The following RNF168 variants were observed in gnomAD, a reference collection of about 807,000 sequenced individuals.
The protein encoded by RNF168 is ring finger protein 168.
RNF168 carries 34 observed loss-of-function variants against 34.9 expected under a neutral mutation model. That is an observed-to-expected ratio of 0.97 (90% CI 0.74 to 1.30). The LOEUF is 1.30. RNF168 is among the 50% of genes most tolerant of loss of function. The pLI, the probability that RNF168 is intolerant of heterozygous loss-of-function variation, is 0.00. For synonymous variants in RNF168, 264 were observed against 254.7 expected, an observed-to-expected ratio of 1.04 and a Z score of -0.35; for missense variants, 725 against 682.5, an observed-to-expected ratio of 1.06 and a Z score of -0.69.
chr3:196,485,102 T>C (rs1025639498), intron 3 of RNF168, among the ~76,000 whole-genome samples: 3 of 152,316 alleles, frequency 2.0e-5, no homozygotes, highest in East Asian at 1.9e-4. Context: ...AAATCACAAA[T>C]ATTTACTTGC....
In RNF168 at chr3:196,483,866, G is replaced by A. The variant is rs766109423; in HGVS notation, c.584C>T (p.Ser195Leu). 3 of 1,608,464 alleles carry A rather than the reference G, an allele frequency of 1.9e-6. No individual in the cohort carries two copies. Among genetic ancestry groups the A allele is most frequent in the African/African-American group, 1.3e-5 (1 of 74,924 alleles). ...DINNFCEGSI[S>L]ASPLNSRKSD... is the part of the protein sequence containing the mutation. ...TTTTCTGGAATTCAAGGGAGAAGCC[G>A]AGATACTTCCCTCACAGAAATTGTT... The change falls in exon 4 of 6, where the codon TCG becomes TTG. Residue 195 changes from serine (S) to leucine (L), a missense_variant. By Grantham distance (145) the Ser-to-Leu change is moderately radical. Transcript: ENST00000318037.
intron 4 of RNF168, among the ~76,000 whole-genome samples, chr3:196,478,831 G>A (rs532569791): frequency 1.2e-4 from 17 of 147,454 alleles, no homozygotes; most frequent in South Asian, 4.4e-4. Flanking sequence ...CATGCCCAGC[G>A]AATTTTTGTA....
chr3:196,492,410 C>T (rs1732618340), intron 1 of RNF168, among the ~76,000 whole-genome samples: 1 of 151,968 alleles, frequency 6.6e-6, no homozygotes, highest in Non-Finnish European at 1.5e-5. Flanking sequence ...GAAAGCAAAA[C>T]ATATCATTAA....
chr3:196,493,237 T>A (rs1461462023), intron 1 of RNF168, among the ~76,000 whole-genome samples: 1 of 152,252 alleles, frequency 6.6e-6, no homozygotes, highest in East Asian at 1.9e-4. Flanking sequence ...AGAGCTGAAC[T>A]TTTGTTAAAC....
chr3:196,495,417 G>A (rs1459243306), intron 1 of RNF168, among the ~76,000 whole-genome samples: 1 of 152,128 alleles, frequency 6.6e-6, no homozygotes, highest in African/African-American at 2.4e-5. Context: ...CTAATCCAGG[G>A]TCATGCACTG....
chr3:196,500,618 G>C (rs975801750), intron 1 of RNF168, among the ~76,000 whole-genome samples: 1 of 152,156 alleles, frequency 6.6e-6, no homozygotes, highest in Admixed American at 6.5e-5. Context: ...CGATGCCACT[G>C]AACCATACAA....
chr3:196,472,365 G>GT lies in RNF168; in HGVS notation c.1169dup (p.Asn390LysfsTer7). The GT allele has an allele frequency of 6.2e-7, 1 of 1,613,962 alleles. No homozygotes were observed. The highest frequency in any genetic ancestry group is 1.1e-5 in the South Asian group (1 of 91,054). On this transcript the variant is annotated frameshift_variant, in exon 6 of 6. Coordinates refer to ENST00000318037, the MANE Select transcript of RNF168 (RefSeq NM_152617.4). LOFTEE classifies it low-confidence loss of function (END_TRUNC). ...TGACTGCTTCAAAGGAAGATTCTTGGTTTTTTCTTTTGGAAATCTCCTTAC... is the reference window on the plus strand; with the variant it reads ...TGACTGCTTCAAAGGAAGATTCTTGGTTTTTTTCTTTTGGAAATCTCCTTAC...
rs762450463 is a variant in RNF168 at position 196,472,145 on chromosome 3, G to A, written c.1390C>T (p.Pro464Ser). ...QKEVDKEQMV[P>S]NRQKGSPDEY... ...TCTGGGGATCCTTTTTGCCGGTTTG[G>A]CACCATTTGCTCTTTATCCACCTCC... Residue 464 changes from proline (P) to serine (S), a missense_variant, in exon 6 of 6, where the codon CCA becomes TCA. Pro to Ser is a moderately conservative substitution (Grantham distance 74). Transcript: ENST00000318037. The A allele has an allele frequency of 6.2e-7, 1 of 1,613,880 alleles. No individual in the cohort carries two copies. Among genetic ancestry groups the A allele is most frequent in the Non-Finnish European group, 8.5e-7 (1 of 1,179,952 alleles).
intron 1 of RNF168, among the ~76,000 whole-genome samples, chr3:196,490,169 A>G (rs1732558858): frequency 6.6e-6 from 1 of 152,228 alleles, no homozygotes; most frequent in Non-Finnish European, 1.5e-5. Context: ...AGGACTAGGG[A>G]AACAGTAAGC....
At position 196,496,866 on chromosome 3, in the gene RNF168, C is replaced by T. The variant is rs114032885; in HGVS notation, c.301+6007G>A. ...ATACAAAGAATAAATATACGGAGGA[C>T]GGGCACGATGGCTCACGCCTGTAAT... On this transcript the variant is annotated intron_variant, in intron 1 of 5. Coordinates refer to ENST00000318037, the MANE Select transcript of RNF168 (RefSeq NM_152617.4). Among the ~76,000 whole-genome samples, 1,379 of 152,192 alleles carry T rather than the reference C, an allele frequency of 9.1e-3. 12 individuals carry two copies. The highest frequency in any genetic ancestry group is 0.03 in the African/African-American group (1,257 of 41,508).
chr3:196,502,049 A>T (rs1306110256), intron 1 of RNF168, among the ~76,000 whole-genome samples: 2 of 146,046 alleles, frequency 1.4e-5, no homozygotes, highest in Non-Finnish European at 3.0e-5. Context: ...GACCAAAAAA[A>T]ATTAGAAAAA....
chr3:196,486,074 T>C (rs901009772), intron 3 of RNF168, among the ~76,000 whole-genome samples: 1 of 152,220 alleles, frequency 6.6e-6, no homozygotes, highest in African/African-American at 2.4e-5. Flanking sequence ...GTATGTGTTT[T>C]ATCACACACC....
In RNF168 at chr3:196,503,087, G is replaced by C; in HGVS notation, c.87C>G (p.Leu29=). The change falls in exon 1 of 6, where the codon CTC becomes CTG. Residue 29 remains leucine, a synonymous_variant. Coordinates refer to ENST00000318037, the MANE Select transcript of RNF168 (RefSeq NM_152617.4). ...GTTTACACAGCGTGTGGTTACACGG[G>C]AGGGTGACGGGCTCCACGAGGATTT... ...CMEILVEPVT[L]PCNHTLCKPC... 6.2e-7 allele frequency: 1 copy of C among 1,614,168 alleles called. No individual in the cohort carries two copies. The highest frequency in any genetic ancestry group is 8.5e-7 in the Non-Finnish European group (1 of 1,180,020).
In RNF168 at chr3:196,503,193, C is replaced by A; in HGVS notation, c.-20G>T. The A allele has an allele frequency of 6.2e-7, 1 of 1,611,118 alleles. No homozygotes were observed. Among genetic ancestry groups the A allele is most frequent in the Non-Finnish European group, 8.5e-7 (1 of 1,177,428 alleles). ...AGCCATTTCAATATGTTAGTAAAGC[C>A]GACTAAACAACGACACCTGCACGAA... On this transcript the variant is annotated 5_prime_UTR_variant, in exon 1 of 6. Coordinates refer to ENST00000318037, the MANE Select transcript of RNF168 (RefSeq NM_152617.4).
chr3:196,502,469 C>T (rs1051675847), intron 1 of RNF168, among the ~76,000 whole-genome samples: 1 of 151,836 alleles, frequency 6.6e-6, no homozygotes, highest in Non-Finnish European at 1.5e-5. Flanking sequence ...ACGCGTGTAA[C>T]CCCAGCTACT....
At position 196,471,652 on chromosome 3, in the gene RNF168, C is replaced by T; in HGVS notation, c.*167G>A. 1.5e-6 allele frequency: 1 copy of T among 648,048 alleles called. No individual in the cohort carries two copies. The highest frequency in any genetic ancestry group is 2.7e-5 in the East Asian group (1 of 36,540). The allele number at this position is 648,048 out of a possible 1,614,324, so 40.1% of individuals were successfully genotyped here. A position where few individuals can be genotyped will look rare whatever the true frequency, so the allele number is the denominator to read the frequency against. On this transcript the variant is annotated 3_prime_UTR_variant, in exon 6 of 6. Coordinates refer to ENST00000318037, the MANE Select transcript of RNF168 (RefSeq NM_152617.4). Reference sequence around the variant, plus strand: ...GACCCCTGCTTACCGCTGAGCTGTGCAGAAGCTCATGTGTCTATGCAGTCC... The same window carrying T: ...GACCCCTGCTTACCGCTGAGCTGTGTAGAAGCTCATGTGTCTATGCAGTCC...
rs143502306 is a variant in RNF168 at position 196,500,201 on chromosome 3, C to A, written c.301+2672G>T. Among the ~76,000 whole-genome samples, 590 of 152,288 alleles carry A rather than the reference C, an allele frequency of 3.9e-3. 5 individuals carry two copies. Among genetic ancestry groups the A allele is most frequent in the African/African-American group, 0.013 (542 of 41,562 alleles). ...ACAGGCCCCTGAACAGACATTTGTA[C>A]ACCCAAGTTCACACCAGCATTATTT... On this transcript the variant is annotated intron_variant, in intron 1 of 5. Transcript: ENST00000318037.
chr3:196,477,990 G>A (rs1732186843), intron 4 of RNF168, among the ~76,000 whole-genome samples: 1 of 152,176 alleles, frequency 6.6e-6, no homozygotes, highest in African/African-American at 2.4e-5. Context: ...AGGCTGAGGT[G>A]GGAGGATCGC....
chr3:196,475,785 C>T (rs192588462), intron 4 of RNF168, among the ~76,000 whole-genome samples: 9,912 of 151,210 alleles, frequency 0.066, 403 homozygotes, highest in Middle Eastern at 0.2. Context: ...CTCCTGACCT[C>T]GTGATCCGCC....
Sources: gnomAD v4.1 joint callset for allele counts (sites outside exome capture counted in the v4.1 genomes callset) on GRCh38, gnomAD v4.1.1 for gene constraint, MANE v1.5 for transcripts, NCBI Gene and HGNC (gene_info 2026-07-23, HGNC 2026-07-21) for gene names.